The following LPP variants were observed in gnomAD, a reference collection of about 807,000 sequenced individuals.
LPP encodes the protein LIM domain containing preferred translocation partner in lipoma.
In LPP, 38 loss-of-function variants were observed where a neutral mutation model predicts 60.4. The ratio of observed to expected loss-of-function variants is 0.63; its 90% CI spans 0.49 to 0.83. LPP has a LOEUF of 0.83. Among genes scored for constraint, LPP ranks in the 40% least tolerant of loss-of-function variants. The pLI is 0.00. For synonymous variants in LPP, 328 were observed against 290.8 expected (o/e 1.13, Z -1.30); for missense variants, 902 against 783.6 (o/e 1.15, Z -1.80).
intron 4 of LPP, among the ~76,000 whole-genome samples, chr3:188,432,819 T>C (rs1226124664): frequency 6.6e-6 from 1 of 152,148 alleles, no homozygotes; most frequent in Non-Finnish European, 1.5e-5. Flanking sequence ...TCTTTTTACT[T>C]TTCCTGAAAT....
chr3:188,475,469 G>T (rs939482096), intron 4 of LPP, among the ~76,000 whole-genome samples: 4 of 152,104 alleles, frequency 2.6e-5, no homozygotes, highest in Non-Finnish European at 5.9e-5. Flanking sequence ...TAATAATTAA[G>T]CCAAAAGGAT....
At position 188,182,633 on chromosome 3, in the gene LPP, G is replaced by A. The variant is rs1471700399; in HGVS notation, c.-190+28381G>A. ...CAGCTCTTTACACACATTCTTCCAA[G>A]GGTGAGACATGATGGTGTTTGCTGA... On this transcript the variant is annotated intron_variant, in intron 1 of 11. Transcript: ENST00000617246. The surrounding 1 kb of genome is among the most constrained non-coding windows in gnomAD (Gnocchi z 4.4). 1.3e-5 allele frequency among the ~76,000 whole-genome samples: 2 copies of A among 151,968 alleles called. No individual in the cohort carries two copies. Among genetic ancestry groups the A allele is most frequent in the Non-Finnish European group, 2.9e-5 (2 of 67,990 alleles).
At chr3:188,199,982 T>A (rs1730618888) in intron 1 of LPP, among the ~76,000 whole-genome samples, 1 of 152,096 alleles carries the variant, frequency 6.6e-6, no homozygotes, top group Non-Finnish European at 1.5e-5. Flanking sequence ...GATTACAGCC[T>A]TGAGCCACCG....
intron 8 of LPP, among the ~76,000 whole-genome samples, chr3:188,732,628 G>A (rs2150059325): frequency 6.9e-6 from 1 of 144,396 alleles, no homozygotes; most frequent in South Asian, 2.2e-4. Flanking sequence ...TGAGACAGGA[G>A]AATCGCTTGA....
intron 6 of LPP, among the ~76,000 whole-genome samples, chr3:188,563,082 C>T (rs935674849): frequency 3.3e-5 from 5 of 151,828 alleles, no homozygotes; most frequent in Admixed American, 6.6e-5. Flanking sequence ...GAGTGAGTTA[C>T]GCTAAATACT....
intron 2 of LPP, among the ~76,000 whole-genome samples, chr3:188,236,626 A>C (rs4459895): frequency 0.88 from 133,727 of 152,216 alleles, 59,219 homozygotes; most frequent in East Asian, 1. Flanking sequence ...ACACAAAATT[A>C]TTGGTTCCCA....
chr3:188,170,374 A>G (rs34168753), intron 1 of LPP, among the ~76,000 whole-genome samples: 11,318 of 133,958 alleles, frequency 0.084, 632 homozygotes, highest in South Asian at 0.26. Flanking sequence ...TCTATTGCCC[A>G]GGCTGGAGTG....
rs1178959891 is a variant in LPP at position 188,422,912 on chromosome 3, TTTGTG to T, written c.193+16601_193+16605del. Among the ~76,000 whole-genome samples, 90 of 135,658 alleles carry T rather than the reference TTTGTG, an allele frequency of 6.6e-4. 1 individual carries two copies. Among genetic ancestry groups the T allele is most frequent in the South Asian group, 1.7e-3 (6 of 3,636 alleles). 89.0% of individuals were successfully genotyped at this position (135,658 alleles called of 152,430 possible). On this transcript the variant is annotated intron_variant, in intron 4 of 11. Transcript: ENST00000617246. ...CCATATTTTTCTTTTTGGTGTCTTC[TTTGTG>T]TGTGTGTGTGTGTGTGTGTGTGTGT...
intron 9 of LPP, among the ~76,000 whole-genome samples, chr3:188,781,931 C>T (rs1739900057): frequency 6.6e-6 from 1 of 151,330 alleles, no homozygotes; most frequent in African/African-American, 2.4e-5. Context: ...CCTTGATTCA[C>T]TTACCTCCCA....
chr3:188,340,840 T>C (rs1378886028), intron 2 of LPP, among the ~76,000 whole-genome samples: 2 of 152,252 alleles, frequency 1.3e-5, no homozygotes, highest in African/African-American at 4.8e-5. Context: ...GATATTCTCT[T>C]GCCTAATGTG....
At chr3:188,674,395 A>G (rs1857559528) in intron 7 of LPP, among the ~76,000 whole-genome samples, 1 of 152,068 alleles carries the variant, frequency 6.6e-6, no homozygotes. Flanking sequence ...TTTACTCATC[A>G]CAGGAATGTC....
In LPP at chr3:188,663,080, A is replaced by G. The variant is rs546299377; in HGVS notation, c.1114-45187A>G. On this transcript the variant is annotated intron_variant, in intron 7 of 11. Transcript: ENST00000617246. ...AGAAGACACTACAAAGTCCAAAGGG[A>G]AAGAAGAAACAAGTGGGGAGAAAAA... Among the ~76,000 whole-genome samples the G allele has an allele frequency of 9.2e-5, 14 of 152,378 alleles. No homozygotes were observed. In the South Asian group the frequency reaches 2.9e-3, roughly 32 times the overall value.
intron 8 of LPP, among the ~76,000 whole-genome samples, chr3:188,742,767 G>A (rs563470826): frequency 5.3e-4 from 81 of 152,228 alleles, no homozygotes; most frequent in Admixed American, 9.8e-4. Context: ...TAAATGTATT[G>A]AAATTCATCA....
chr3:188,240,949 A>G (rs2149460847), intron 2 of LPP, among the ~76,000 whole-genome samples: 1 of 152,310 alleles, frequency 6.6e-6, no homozygotes, highest in East Asian at 1.9e-4. Flanking sequence ...ATATGTCCTT[A>G]ACTATATGAT....
chr3:188,489,567 C>T (rs1479922413), intron 5 of LPP, among the ~76,000 whole-genome samples: 1 of 152,184 alleles, frequency 6.6e-6, no homozygotes, highest in Non-Finnish European at 1.5e-5. Context: ...AAACCATTGA[C>T]AATTTATTGT....
chr3:188,554,440 A>T (rs565884437), intron 6 of LPP, among the ~76,000 whole-genome samples: 1 of 152,336 alleles, frequency 6.6e-6, no homozygotes, highest in East Asian at 1.9e-4. Flanking sequence ...ATACCAGATT[A>T]TGGAACACTA....
In LPP at chr3:188,889,543, T is replaced by C. The variant is rs929104969; in HGVS notation, c.*15064T>C. The C allele has an allele frequency of 1.3e-5, 3 of 229,448 alleles. No individual in the cohort carries two copies. Among genetic ancestry groups the C allele is most frequent in the Non-Finnish European group, 2.6e-5 (3 of 115,678 alleles). The allele number at this position is 229,448 out of a possible 1,614,324, so 14.2% of individuals were successfully genotyped here. The stretch of plus-strand genomic sequence containing the variant: ...AAGCAAGATACCTCCACTTAACCTT[T>C]ATCCAAGGAAGCTCTTGGTGTCCTC... On this transcript the variant is annotated 3_prime_UTR_variant, in exon 12 of 12. Coordinates refer to ENST00000617246, the MANE Select transcript of LPP (RefSeq NM_001375462.1).
chr3:188,521,002 C>A (rs1404079163), intron 5 of LPP, among the ~76,000 whole-genome samples: 2 of 152,026 alleles, frequency 1.3e-5, no homozygotes, highest in Non-Finnish European at 2.9e-5. Context: ...GTAGCAAGAT[C>A]CCCTAAATCG....
intron 8 of LPP, chr3:188,712,892 T>G (rs1161762774): frequency 6.6e-6 from 1 of 152,170 alleles, no homozygotes; most frequent in Non-Finnish European, 1.5e-5. Flanking sequence ...ACTCTTTTTT[T>G]TTTCATAAGT....
Sources: allele counts gnomAD v4.1 joint callset (sites outside exome capture counted in the v4.1 genomes callset), GRCh38; gene constraint gnomAD v4.1.1; non-coding constraint Gnocchi (gnomAD v3.1); transcripts MANE v1.5; gene names NCBI Gene and HGNC (gene_info 2026-07-23, HGNC 2026-07-21).